KMT2C: variants seen among roughly 807,000 people sequenced by gnomAD.
The protein encoded by KMT2C is histone-lysine N-methyltransferase 2C.
In KMT2C, 88 loss-of-function variants were observed where a neutral mutation model predicts 507.9. The observed-to-expected ratio is 0.17, with a 90% CI of 0.15 to 0.21. The LOEUF is 0.21. Ranked by LOEUF, KMT2C falls within the 10% of genes least tolerant of loss-of-function variation. The pLI, the probability that KMT2C is intolerant of heterozygous loss-of-function variation, is 1.00. For missense variants in KMT2C, 4,954 were observed against 5,957.8 expected, an observed-to-expected ratio of 0.83 and a Z score of 5.55; for synonymous variants, 2,049 against 2,080.8, an observed-to-expected ratio of 0.98 and a Z score of 0.42.
rs563581972 is a variant in KMT2C at position 152,422,659 on chromosome 7, G to A, written c.161+12967C>T. Among the ~76,000 whole-genome samples, 4 of 152,222 alleles carry A rather than the reference G, an allele frequency of 2.6e-5. No individual in the cohort carries two copies. In the South Asian group the frequency reaches 6.2e-4, roughly 24 times the overall value. On this transcript the variant is annotated intron_variant, in intron 1 of 58. Coordinates refer to ENST00000262189, the MANE Select transcript of KMT2C (RefSeq NM_170606.3). ...TAAAGACTATTTACTAGCTATTTCT[G>A]TAATATTTATTCCCACCATCAGTAA...
chr7:152,308,249 C>T (rs1440397424), intron 6 of KMT2C, among the ~76,000 whole-genome samples: 2 of 152,126 alleles, frequency 1.3e-5, no homozygotes, highest in South Asian at 2.1e-4. Flanking sequence ...AATCTAAGTC[C>T]TTGTCTCAAC....
intron 1 of KMT2C, among the ~76,000 whole-genome samples, chr7:152,370,665 C>T (rs1187022597): frequency 6.6e-6 from 1 of 152,146 alleles, no homozygotes; most frequent in Non-Finnish European, 1.5e-5. Context: ...ATATACCACA[C>T]CATGTAGGGT....
chr7:152,240,456 A>G (rs2095361988), intron 14 of KMT2C, among the ~76,000 whole-genome samples: 1 of 152,244 alleles, frequency 6.6e-6, no homozygotes. Context: ...CCAGGGCTTG[A>G]GCCTAGATCC....
chr7:152,154,132 T>C lies in KMT2C; in HGVS notation c.12154A>G (p.Arg4052Gly). 1.2e-6 allele frequency: 2 copies of C among 1,614,136 alleles called. No individual in the cohort carries two copies. Among genetic ancestry groups the C allele is most frequent in the Non-Finnish European group, 1.7e-6 (2 of 1,180,006 alleles). Reference protein sequence around the residue: ...STAGKSSESRRNDIKTEPGTL... With the variant: ...STAGKSSESRGNDIKTEPGTL... ...CCTGGCTCAGTTTTGATGTCATTCC[T>C]TCTTGATTCTGAACCTTTAAAAAGA... is the stretch of plus-strand genomic sequence containing the variant. The change falls in exon 48 of 59, where the codon AGG (arginine) becomes GGG (glycine). Residue 4052 changes from arginine (R) to glycine (G), a missense_variant. Transcript: ENST00000262189.
At chr7:152,184,277 A>G (rs1434631518) in intron 34 of KMT2C, among the ~76,000 whole-genome samples, 2 of 152,136 alleles carry the variant, frequency 1.3e-5, no homozygotes, top group Non-Finnish European at 2.9e-5. Context: ...ACACACATAT[A>G]TGCTCTATCC....
At chr7:152,321,918 C>A (rs2096776239) in intron 3 of KMT2C, among the ~76,000 whole-genome samples, 1 of 151,752 alleles carries the variant, frequency 6.6e-6, no homozygotes, top group Admixed American at 6.6e-5. Context: ...AATAAATTAT[C>A]CTTAAATTTA....
chr7:152,230,755 G>C (rs1262916648), intron 16 of KMT2C, among the ~76,000 whole-genome samples: 2 of 152,136 alleles, frequency 1.3e-5, no homozygotes, highest in Non-Finnish European at 2.9e-5. Flanking sequence ...GTGTTGAAAT[G>C]GTAATATTTT....
In KMT2C at chr7:152,222,045, T is replaced by A. The variant is rs775876057; in HGVS notation, c.3455A>T (p.Glu1152Val). 1.2e-6 allele frequency: 2 copies of A among 1,603,950 alleles called. No homozygotes were observed. The highest frequency in any genetic ancestry group is 1.7e-6 in the Non-Finnish European group (2 of 1,176,056). ...ASNVPSSDCC[E>V]SSLVAQIVTK... Reference sequence around the variant, plus strand: ...GACAATTTGTGCTACAAGTGAAGATTCACAGCAGTCTGAGGAAGGCACTGA... The same window carrying A: ...GACAATTTGTGCTACAAGTGAAGATACACAGCAGTCTGAGGAAGGCACTGA... Residue 1152 changes from glutamate to valine, a missense_variant, in exon 22 of 59, where the codon GAA becomes GTA. Transcript: ENST00000262189.
chr7:152,434,582 GAA>G, intron 1 of KMT2C, among the ~76,000 whole-genome samples: 1 of 152,080 alleles, frequency 6.6e-6, no homozygotes, highest in East Asian at 1.9e-4. Context: ...AGTTCAATGA[GAA>G]TATCATCTCA....
chr7:152,215,711 AAT>A (rs751875357), intron 23 of KMT2C, among the ~76,000 whole-genome samples: 38 of 139,264 alleles, frequency 2.7e-4, no homozygotes, highest in East Asian at 4.3e-4. Context: ...ACACACACAA[AAT>A]ATATATATAT....
rs1439576870 is a variant in KMT2C at position 152,220,732 on chromosome 7, G to A, written c.3503C>T (p.Pro1168Leu). Residue 1168 changes from proline to leucine, a missense_variant, in exon 23 of 59, where the codon CCA (proline) becomes CTA (leucine). By Grantham distance (98) the Pro-to-Leu change is moderately conservative (BLOSUM62 -3). Coordinates refer to ENST00000262189, the MANE Select transcript of KMT2C (RefSeq NM_170606.3). Reference protein sequence around the residue: ...QIVTKVKELDPPKTYTQDGVC... With the variant: ...QIVTKVKELDLPKTYTQDGVC... ...ACCATCCTGGGTATAAGTCTTGGGTGGGTCTAAAATTACAAAATCCCAAGG... is the reference window on the plus strand; with the variant it reads ...ACCATCCTGGGTATAAGTCTTGGGTAGGTCTAAAATTACAAAATCCCAAGG... 6.9e-6 allele frequency: 11 copies of A among 1,603,006 alleles called. No individual in the cohort carries two copies. The highest frequency in any genetic ancestry group is 6.0e-6 in the Non-Finnish European group (7 of 1,172,062).
chr7:152,255,127 A>ATG (rs1381656067), intron 9 of KMT2C, among the ~76,000 whole-genome samples: 1 of 126,658 alleles, frequency 7.9e-6, no homozygotes, highest in East Asian at 2.2e-4. Flanking sequence ...ATATATATAT[A>ATG]TATATATATA....
chr7:152,139,291 T>C (rs2090244418), intron 56 of KMT2C, 32 bp from the exon 57 acceptor site: 1 of 1,602,520 alleles, frequency 6.2e-7, no homozygotes, highest in African/African-American at 1.3e-5. Flanking sequence ...AAGTCATCAA[T>C]GTCGACCTGA....
intron 8 of KMT2C, among the ~76,000 whole-genome samples, chr7:152,264,526 A>G (rs1002115479): frequency 2.0e-5 from 3 of 152,216 alleles, no homozygotes; most frequent in Non-Finnish European, 4.4e-5. Context: ...AGAGAGATGC[A>G]GATGTACATT....
At position 152,198,746 on chromosome 7, in the gene KMT2C, C is replaced by G. The variant is rs192432908; in HGVS notation, c.4273+533G>C. Among the ~76,000 whole-genome samples the G allele has an allele frequency of 2.3e-3, 352 of 152,234 alleles. 4 individuals are homozygous for G. The highest frequency in any genetic ancestry group is 8.1e-3 in the African/African-American group (335 of 41,524). On this transcript the variant is annotated intron_variant, in intron 27 of 58. Transcript: ENST00000262189. The stretch of plus-strand genomic sequence containing the variant: ...AATATCTGGAGATATTTTTGATCAT[C>G]ATGAGGCCAAAGATGCTGTTAAACA...
chr7:152,205,750 C>T (rs2094290734), intron 24 of KMT2C, among the ~76,000 whole-genome samples: 1 of 152,144 alleles, frequency 6.6e-6, no homozygotes, highest in African/African-American at 2.4e-5. Flanking sequence ...GTGTAGTAAG[C>T]TATACCATCT....
At chr7:152,225,094 C>T (rs2094887904) in intron 18 of KMT2C, among the ~76,000 whole-genome samples, 1 of 152,122 alleles carries the variant, frequency 6.6e-6, no homozygotes, top group Non-Finnish European at 1.5e-5. Flanking sequence ...GACTATGAAG[C>T]TAGGAATTCT....
At chr7:152,385,327 T>G (rs1463514897) in intron 1 of KMT2C, among the ~76,000 whole-genome samples, 1 of 143,136 alleles carries the variant, frequency 7.0e-6, no homozygotes, top group Admixed American at 6.7e-5. Flanking sequence ...AATTGAGACG[T>G]GTTGGCCGGG....
chr7:152,342,203 G>T (rs921347050), intron 2 of KMT2C, among the ~76,000 whole-genome samples: 13 of 152,092 alleles, frequency 8.5e-5, no homozygotes, highest in African/African-American at 3.1e-4. Flanking sequence ...TAGACCAGAA[G>T]ATAATCTAAG....
Sources: gnomAD v4.1 joint callset for allele counts (sites outside exome capture counted in the v4.1 genomes callset) on GRCh38, gnomAD v4.1.1 for gene constraint, MANE v1.5 for transcripts, NCBI Gene and HGNC (gene_info 2026-07-23, HGNC 2026-07-21) for gene names.